RNASEH2B: variants seen among roughly 807,000 people sequenced by gnomAD.
The protein encoded by RNASEH2B is ribonuclease H2 subunit B, also known as Aicardi-Goutieres syndrome 2 protein.
Under a neutral mutation model 45.0 loss-of-function variants are expected in RNASEH2B, and 36 were observed. The ratio of observed to expected loss-of-function variants is 0.80; its 90% CI spans 0.61 to 1.06. The LOEUF (loss-of-function observed/expected upper bound fraction) is 1.06, where lower values mean the gene tolerates loss of function less well. Among genes scored for constraint, RNASEH2B ranks in the 50% least tolerant of loss-of-function variants. The pLI is 0.00. For missense variants in RNASEH2B, 361 were observed against 360.3 expected, an observed-to-expected ratio of 1.00 and a Z score of -0.02; for synonymous variants, 119 against 125.7, an observed-to-expected ratio of 0.95 and a Z score of 0.35.
chr13:50,924,988 GT>G (rs796524573), intron 1 of RNASEH2B, among the ~76,000 whole-genome samples: 13 of 148,704 alleles, frequency 8.7e-5, no homozygotes, highest in African/African-American at 2.0e-4. Flanking sequence ...CTTTCTTCAA[GT>G]TTTTTTTTTG....
chr13:50,928,994 A>G (rs1224347744), intron 2 of RNASEH2B, among the ~76,000 whole-genome samples: 1 of 133,488 alleles, frequency 7.5e-6, no homozygotes, highest in African/African-American at 2.8e-5. Flanking sequence ...CATTCAGTTG[A>G]ATAAAGCTTT....
intron 1 of RNASEH2B, among the ~76,000 whole-genome samples, chr13:50,926,527 TG>T (rs1951598456): frequency 6.6e-6 from 1 of 152,184 alleles, no homozygotes; most frequent in African/African-American, 2.4e-5. Context: ...AAAAACTTGA[TG>T]GTTTTGGTAC....
intron 9 of RNASEH2B, among the ~76,000 whole-genome samples, chr13:50,967,459 T>G (rs1952177194): frequency 6.6e-6 from 1 of 152,146 alleles, no homozygotes; most frequent in Non-Finnish European, 1.5e-5. Flanking sequence ...TGACATGAAT[T>G]TATGTGTTTA....
rs1286645985 is a variant in RNASEH2B at position 50,930,137 on chromosome 13, T to C, written c.245-546T>C. 3 of 227,186 alleles carry C rather than the reference T, an allele frequency of 1.3e-5. No homozygotes were observed. In the Admixed American group the frequency reaches 1.6e-4, roughly 12 times the overall value. The allele number at this position is 227,186 out of a possible 1,614,324, so 14.1% of individuals were successfully genotyped here. A position where few individuals can be genotyped will look rare whatever the true frequency, so the allele number is the denominator to read the frequency against. ...AAGGAAGAGTAGGCCAACGGAACTG[T>C]TCTGCCTCATGTTCTGGGGTGGGGG... On this transcript the variant is annotated intron_variant, in intron 3 of 10. Transcript: ENST00000336617.
chr13:50,910,274 G>C (rs1438966452), intron 1 of RNASEH2B, 134 bp downstream of exon 1: 1 of 550,044 alleles, frequency 1.8e-6, no homozygotes, highest in African/African-American at 2.0e-5. Flanking sequence ...CTCTGGGACA[G>C]CTGGCCCCGC....
At chr13:50,927,030 G>T in intron 1 of RNASEH2B, 2 of 232,130 alleles carry the variant, frequency 8.6e-6, no homozygotes, top group Non-Finnish European at 1.7e-5. Context: ...CAGTAGATTG[G>T]CTAATTTGAT....
intron 1 of RNASEH2B, chr13:50,912,173 T>A (rs1015973130): frequency 6.6e-6 from 1 of 152,246 alleles, no homozygotes; most frequent in Non-Finnish European, 1.5e-5. Flanking sequence ...AAACTTGAGC[T>A]ACCAGCTCCT....
In RNASEH2B at chr13:50,910,013, G is replaced by T; in HGVS notation, c.-64G>T. 1 of 1,384,128 alleles carries T rather than the reference G, an allele frequency of 7.2e-7. No individual in the cohort carries two copies. Among genetic ancestry groups the T allele is most frequent in the South Asian group, 1.3e-5 (1 of 74,760 alleles). The allele number at this position is 1,384,128 out of a possible 1,614,324, so 85.7% of individuals were successfully genotyped here. On this transcript the variant is annotated 5_prime_UTR_variant, in exon 1 of 11. Transcript: ENST00000336617. ...AACAGACCCTTCTCCCGCCATTTTC[G>T]GCGGGGCTGGGAGACTGAGGCCCGC...
chr13:50,963,143 T>G (rs546693049), intron 9 of RNASEH2B, among the ~76,000 whole-genome samples: 2 of 152,122 alleles, frequency 1.3e-5, no homozygotes, highest in African/African-American at 4.8e-5. Context: ...AATTTTTACT[T>G]TAAATATTGT....
At chr13:50,915,148 T>C (rs1233087584) in intron 1 of RNASEH2B, 1 of 300,268 alleles carries the variant, frequency 3.3e-6, no homozygotes, top group Non-Finnish European at 6.1e-6. Context: ...TGGGACAGAG[T>C]AGATATTTCA....
At position 50,935,007 on chromosome 13, in the gene RNASEH2B, A is replaced by G. The variant is rs893847811; in HGVS notation, c.436+8A>G. ...ATGTGACAGAGGAAAAAGGTATGGT[A>G]TAACTTAAAGGCTTATGGCTGGTAG... On this transcript the variant is annotated splice_region_variant and intron_variant, in intron 5 of 10. Transcript: ENST00000336617. 11 of 1,576,970 alleles carry G rather than the reference A, an allele frequency of 7.0e-6. No individual in the cohort carries two copies. The highest frequency in any genetic ancestry group is 1.7e-5 in the Admixed American group (1 of 59,904).
At chr13:50,956,115 G>T in intron 10 of RNASEH2B, 1 of 442,932 alleles carries the variant, frequency 2.3e-6, no homozygotes, top group Non-Finnish European at 4.2e-6. Flanking sequence ...GTAAACCATT[G>T]GTTGGAACAT....
rs577821656 is a variant in RNASEH2B, at chr13:50,968,066, C to T, written c.742-1866C>T. Among the ~76,000 whole-genome samples the T allele has an allele frequency of 4.5e-4, 69 of 152,266 alleles. 2 individuals are homozygous for T. In the Middle Eastern group the frequency reaches 0.01, roughly 23 times the overall value. On this transcript the variant is annotated intron_variant, in intron 9 of 9. Transcript: ENST00000422660. Reference sequence around the variant, plus strand: ...AGCCATTAGACTGACCAAAAGGGTTCGTCCCTGTGTTTCATAGTATTTTTA... The same window carrying T: ...AGCCATTAGACTGACCAAAAGGGTTTGTCCCTGTGTTTCATAGTATTTTTA...
chr13:50,936,840 CTG>C (rs1416953477), intron 5 of RNASEH2B: 1 of 152,186 alleles, frequency 6.6e-6, no homozygotes, highest in Non-Finnish European at 1.5e-5. Context: ...GAGGCTCTCT[CTG>C]TGTCATCCCT....
chr13:50,910,698 T>C, intron 1 of RNASEH2B: 1 of 152,564 alleles, frequency 6.6e-6, no homozygotes, highest in Non-Finnish European at 1.5e-5. Context: ...GAGCCGGGCC[T>C]TTCAGCCCCC....
At chr13:50,968,219 A>C (rs935911076) in intron 9 of RNASEH2B, among the ~76,000 whole-genome samples, 2 of 151,998 alleles carry the variant, frequency 1.3e-5, no homozygotes, top group Admixed American at 1.3e-4. Flanking sequence ...ACAACATAGC[A>C]AGACTGTTTC....
chr13:50,910,472 G>A (rs560229470), intron 1 of RNASEH2B: 160 of 248,734 alleles, frequency 6.4e-4, no homozygotes, highest in Admixed American at 2.4e-3. Context: ...TCTGCCCTTG[G>A]TGTCCCCTAC....
intron 4 of RNASEH2B, among the ~76,000 whole-genome samples, chr13:50,931,502 A>G (rs1015464593): frequency 2.0e-5 from 3 of 152,212 alleles, no homozygotes; most frequent in African/African-American, 7.2e-5. Flanking sequence ...ACCAAATTTA[A>G]TGAGGCGTGT....
chr13:50,969,097 G>GA (rs1156882767), intron 9 of RNASEH2B, among the ~76,000 whole-genome samples: 1 of 152,176 alleles, frequency 6.6e-6, no homozygotes, highest in African/African-American at 2.4e-5. Flanking sequence ...GTAGATAGAG[G>GA]AAATGCGGAT....
Sources: gnomAD v4.1 joint callset for allele counts (sites outside exome capture counted in the v4.1 genomes callset) on GRCh38, gnomAD v4.1.1 for gene constraint, MANE v1.5 for transcripts, NCBI Gene and HGNC (gene_info 2026-07-23, HGNC 2026-07-21) for gene names.